ZFP14: variants seen among roughly 807,000 people sequenced by gnomAD.
The protein encoded by ZFP14 is zinc finger protein 14 homolog.
A neutral mutation model predicts 54.5 loss-of-function variants in ZFP14; 22 were observed. That is an observed-to-expected ratio of 0.40 (90% CI 0.29 to 0.58). ZFP14 has a LOEUF of 0.58. Ranked by LOEUF, ZFP14 falls within the 20% of genes least tolerant of loss-of-function variation. The pLI is 0.39. For synonymous variants in ZFP14, 159 were observed against 204.0 expected (o/e 0.78, Z 1.88); for missense variants, 470 against 637.8 (o/e 0.74, Z 2.83).
intron 2 of ZFP14, among the ~76,000 whole-genome samples, chr19:36,363,189 C>CTTTTTTTTTTTTT (rs772799449): frequency 6.1e-5 from 6 of 97,752 alleles, no homozygotes; most frequent in East Asian, 2.9e-4. Flanking sequence ...CTTTTCTTTT[C>CTTTTTTTTTTTTT]TTTTTTTTTT....
chr19:36,364,760 G>A (rs2031765137), intron 2 of ZFP14, among the ~76,000 whole-genome samples: 1 of 152,100 alleles, frequency 6.6e-6, no homozygotes, highest in Non-Finnish European at 1.5e-5. Flanking sequence ...GATCTGTGGA[G>A]AAGTTTAGAG....
Position 36,340,351 on chromosome 19 carries a change from T to C in ZFP14, c.1475A>G (p.Tyr492Cys). The C allele has an allele frequency of 6.2e-7, 1 of 1,614,106 alleles. No individual in the cohort carries two copies. ...TCTCTGGTGTTGAGTAAGAAATGAA[T>C]AAAGTCTAAAAGCCTTACCACATTC... ...CKECGKAFRL[Y>C]SFLTQHQRIH... The change falls in exon 5 of 5, where the codon TAT becomes TGT. Residue 492 changes from tyrosine (Y) to cysteine (C), a missense_variant. Transcript: ENST00000270001. The surrounding 1 kb of genome is among the most constrained non-coding windows in gnomAD (Gnocchi z 5.4).
intron 4 of ZFP14, among the ~76,000 whole-genome samples, chr19:36,353,697 C>CAA (rs35323856): frequency 0.011 from 903 of 80,784 alleles, 45 homozygotes; most frequent in African/African-American, 0.038. Flanking sequence ...GACTCCATCT[C>CAA]AAAAAAAAAA....
At chr19:36,370,284 C>A (rs1038969156) in intron 1 of ZFP14, among the ~76,000 whole-genome samples, 3 of 152,202 alleles carry the variant, frequency 2.0e-5, no homozygotes, top group Non-Finnish European at 2.9e-5. Context: ...GGGGAAAAGT[C>A]AGGGAAGTGA....
chr19:36,370,354 G>A (rs1399933710), intron 1 of ZFP14, among the ~76,000 whole-genome samples: 2 of 152,174 alleles, frequency 1.3e-5, no homozygotes, highest in Non-Finnish European at 2.9e-5. Context: ...CAGCAACAGG[G>A]AGACTCCCAA....
In ZFP14 at chr19:36,336,905, AC is replaced by A. The variant is rs1377250009; in HGVS notation, c.*3318del. ...TAAGTCTCCATGAACAAAACACTCC[AC>A]TTAAATTATCAACATGTTGCCAATT... On this transcript the variant is annotated 3_prime_UTR_variant, in exon 5 of 5. Transcript: ENST00000270001. The A allele has an allele frequency of 6.6e-6, 1 of 152,208 alleles. No individual in the cohort carries two copies. The highest frequency in any genetic ancestry group is 1.5e-5 in the Non-Finnish European group (1 of 68,038). The allele number at this position is 152,208 out of a possible 1,614,324, so 9.4% of individuals were successfully genotyped here. A position where few individuals can be genotyped will look rare whatever the true frequency, so the allele number is the denominator to read the frequency against.
intron 1 of ZFP14, chr19:36,378,018 C>T (rs2031990518): frequency 6.6e-6 from 1 of 152,142 alleles, no homozygotes; most frequent in African/African-American, 2.4e-5. Context: ...GGAACAAGCC[C>T]GCATAGTCTG....
chr19:36,377,703 G>A (rs1226547205), intron 1 of ZFP14, among the ~76,000 whole-genome samples: 4 of 152,100 alleles, frequency 2.6e-5, no homozygotes, highest in African/African-American at 7.2e-5. Context: ...ACTGGAGGCC[G>A]GGTGCGGTGG....
chr19:36,367,022 C>T (rs1275170708), intron 2 of ZFP14, among the ~76,000 whole-genome samples: 4 of 151,766 alleles, frequency 2.6e-5, no homozygotes, highest in African/African-American at 7.3e-5. Context: ...GGTATGGTGG[C>T]GGGCACCTGT....
In ZFP14 at chr19:36,367,768, A is replaced by G. The variant is rs546171466; in HGVS notation, c.9+116T>C. The G allele has an allele frequency of 3.8e-5, 48 of 1,256,988 alleles. No homozygotes were observed. The Admixed American group carries it at 1.0e-3, about 27-fold the overall frequency. The allele number at this position is 1,256,988 out of a possible 1,614,324, so 77.9% of individuals were successfully genotyped here. On this transcript the variant is annotated intron_variant, in intron 2 of 4. Coordinates refer to ENST00000270001, the MANE Select transcript of ZFP14 (RefSeq NM_020917.3). The stretch of plus-strand genomic sequence containing the variant: ...CGTGAGCCATTGCGTCCAGCCATGG[A>G]GCAGGTTCTTGGATGAAGCTCTGGT...
chr19:36,362,825 T>G, intron 2 of ZFP14: 1 of 312,162 alleles, frequency 3.2e-6, no homozygotes, highest in South Asian at 2.9e-5. Flanking sequence ...ATCCCACATG[T>G]GCTACAAAAT....
chr19:36,340,631 T>C lies in ZFP14; in HGVS notation c.1195A>G (p.Met399Val). Residue 399 changes from methionine to valine, a missense_variant, in exon 5 of 5, where the codon ATG becomes GTG. Met to Val is a conservative substitution (Grantham distance 21). Coordinates refer to ENST00000270001, the MANE Select transcript of ZFP14 (RefSeq NM_020917.3). The surrounding 1 kb of genome is among the most constrained non-coding windows in gnomAD (Gnocchi z 5.4). ...CTACTAAAGGTCTTCCAACATTCCA[T>C]ACATTCATAGGGTTTCTCACGAGTA... The part of the protein sequence containing the change: ...IHTREKPYEC[M>V]ECWKTFSSYS... 6.2e-7 allele frequency: 1 copy of C among 1,614,102 alleles called. No homozygotes were observed. The highest frequency in any genetic ancestry group is 8.5e-7 in the Non-Finnish European group (1 of 1,180,006).
In ZFP14 at chr19:36,370,329, C is replaced by T. The variant is rs544326125; in HGVS notation, c.-79-2358G>A. Among the ~76,000 whole-genome samples, 18 of 152,288 alleles carry T rather than the reference C, an allele frequency of 1.2e-4. No individual in the cohort carries two copies. In the East Asian group the frequency reaches 3.5e-3, roughly 29 times the overall value. ...TTTGCCTGTTCCCTAACACCAGGCC[C>T]GCCATAGTAAAACCCAGCAACAGGG... On this transcript the variant is annotated intron_variant, in intron 1 of 4. Coordinates refer to ENST00000270001, the MANE Select transcript of ZFP14 (RefSeq NM_020917.3).
intron 4 of ZFP14, among the ~76,000 whole-genome samples, chr19:36,357,641 C>A (rs1274155125): frequency 1.3e-5 from 2 of 152,168 alleles, no homozygotes; most frequent in Non-Finnish European, 2.9e-5. Flanking sequence ...GCGTGTGTGG[C>A]AGGGTATGTT....
chr19:36,369,395 CTTTTTTT>C (rs1568473992), intron 1 of ZFP14, among the ~76,000 whole-genome samples: 1 of 151,820 alleles, frequency 6.6e-6, no homozygotes. Context: ...TTTCTTTTTT[CTTTTTTT>C]GGTTTTGTTT....
At chr19:36,377,656 G>T (rs767739063) in intron 1 of ZFP14, among the ~76,000 whole-genome samples, 12 of 152,020 alleles carry the variant, frequency 7.9e-5, no homozygotes, top group African/African-American at 2.9e-4. Context: ...GCTCATAAGA[G>T]AAACTAAATT....
intron 2 of ZFP14, among the ~76,000 whole-genome samples, chr19:36,363,104 T>G (rs2031734866): frequency 1.3e-5 from 2 of 152,098 alleles, no homozygotes; most frequent in African/African-American, 2.4e-5. Flanking sequence ...ATTGTTTTTT[T>G]GTTCCTGAGT....
rs556683794 is a variant in ZFP14 at position 36,339,089 on chromosome 19, A to G, written c.*1135T>C. ...GGCATGAAATTTCTAATGCAGCTCA[A>G]GTGCTGAAGAACTTCCTACATTCAC... is the stretch of plus-strand genomic sequence containing the variant. On this transcript the variant is annotated 3_prime_UTR_variant, in exon 5 of 5. Transcript: ENST00000270001. 2 of 152,342 alleles carry G rather than the reference A, an allele frequency of 1.3e-5. No individual in the cohort carries two copies. Among genetic ancestry groups the G allele is most frequent in the South Asian group, 4.1e-4 (2 of 4,832 alleles). The allele number at this position is 152,342 out of a possible 1,614,324, so 9.4% of individuals were successfully genotyped here.
rs2031172847 is a variant in ZFP14 at position 36,335,359 on chromosome 19, T to C, written c.*4865A>G. 1.3e-5 allele frequency: 2 copies of C among 152,190 alleles called. No individual in the cohort carries two copies. The highest frequency in any genetic ancestry group is 4.1e-4 in the South Asian group (2 of 4,826). 9.4% of individuals were successfully genotyped at this position (152,190 alleles called of 1,614,324 possible). A position where few individuals can be genotyped will look rare whatever the true frequency, so the allele number is the denominator to read the frequency against. On this transcript the variant is annotated 3_prime_UTR_variant, in exon 5 of 5. Coordinates refer to ENST00000270001, the MANE Select transcript of ZFP14 (RefSeq NM_020917.3). Reference sequence around the variant, plus strand: ...AGAAACACTGACCTATTAGCAAAGATAGATTTTGTAATAAATTCTAAATAA... The same window carrying C: ...AGAAACACTGACCTATTAGCAAAGACAGATTTTGTAATAAATTCTAAATAA...
Sources: gnomAD v4.1 joint callset for allele counts (sites outside exome capture counted in the v4.1 genomes callset) on GRCh38, gnomAD v4.1.1 for gene constraint, Gnocchi (gnomAD v3.1) non-coding constraint, MANE v1.5 for transcripts, NCBI Gene and HGNC (gene_info 2026-07-23, HGNC 2026-07-21) for gene names.